The following TDRD10 variants were observed in gnomAD, a reference collection of about 807,000 sequenced individuals.
TDRD10 encodes tudor domain-containing protein 10.
In TDRD10, 40 loss-of-function variants were observed where a neutral mutation model predicts 48.0. The observed-to-expected ratio is 0.83, with a 90% CI of 0.65 to 1.09. The LOEUF (loss-of-function observed/expected upper bound fraction) is 1.09, where lower values mean the gene tolerates loss of function less well. TDRD10 is among the 50% of genes least tolerant of loss of function. The pLI is 0.00. For missense variants in TDRD10, 378 were observed against 434.7 expected (o/e 0.87, Z 1.16); for synonymous variants, 162 against 170.4 (o/e 0.95, Z 0.38).
chr1:154,521,560 A>T, intron 6 of TDRD10, 81 bp downstream of exon 6: 1 of 1,488,324 alleles, frequency 6.7e-7, no homozygotes. Context: ...CAGTGCTTTC[A>T]TCCTCCTCCA....
At chr1:154,507,401 CA>C (rs1178568554) in intron 3 of TDRD10, 81 bp downstream of exon 3, 5 of 1,508,086 alleles carry the variant, frequency 3.3e-6, no homozygotes, top group African/African-American at 1.4e-5. Flanking sequence ...CCAGTCTGCC[CA>C]GTTTCTGTTC....
intron 6 of TDRD10, among the ~76,000 whole-genome samples, chr1:154,537,080 A>G (rs1239412856): frequency 6.6e-6 from 1 of 152,048 alleles, no homozygotes; most frequent in Admixed American, 6.5e-5. Context: ...TGGACCTACT[A>G]TTGTCAGCCC....
intron 11 of TDRD10, among the ~76,000 whole-genome samples, chr1:154,547,135 A>G (rs935272632): frequency 3.3e-5 from 5 of 152,178 alleles, no homozygotes; most frequent in Non-Finnish European, 7.4e-5. Flanking sequence ...AGAATTTCTC[A>G]TTAAAAATCC....
chr1:154,522,575 G>A (rs1694112719), intron 6 of TDRD10, among the ~76,000 whole-genome samples: 2 of 152,124 alleles, frequency 1.3e-5, no homozygotes, highest in South Asian at 4.1e-4. Context: ...GGAGACCGAG[G>A]CAGGAGGATG....
In TDRD10 at chr1:154,502,318, G is replaced by A; in HGVS notation, c.-739G>A. ...TTTCCTCCTGCGGTGGGAGAGGCCA[G>A]GCCCACGGAAGCCCCCTGCGGCCCA... On this transcript the variant is annotated 5_prime_UTR_variant, in exon 1 of 13. Coordinates refer to ENST00000368482, the MANE Select transcript of TDRD10 (RefSeq NM_182499.4). 1 of 181,444 alleles carries A rather than the reference G, an allele frequency of 5.5e-6. No individual in the cohort carries two copies. Among genetic ancestry groups the A allele is most frequent in the Non-Finnish European group, 1.1e-5 (1 of 87,554 alleles). The allele number at this position is 181,444 out of a possible 1,614,324, so 11.2% of individuals were successfully genotyped here. A position where few individuals can be genotyped will look rare whatever the true frequency, so the allele number is the denominator to read the frequency against.
At chr1:154,537,514 C>T (rs1018321928) in intron 6 of TDRD10, among the ~76,000 whole-genome samples, 1 of 152,152 alleles carries the variant, frequency 6.6e-6, no homozygotes, top group African/African-American at 2.4e-5. Context: ...CTCAGGTGTT[C>T]CCAGGTGCAG....
intron 1 of TDRD10, among the ~76,000 whole-genome samples, chr1:154,505,619 A>G (rs943641672): frequency 6.6e-5 from 10 of 151,586 alleles, no homozygotes; most frequent in Admixed American, 3.3e-4. Flanking sequence ...AAAGTACAGG[A>G]AAAAAAAATC....
chr1:154,524,251 C>A (rs1430256114), intron 6 of TDRD10, among the ~76,000 whole-genome samples: 2 of 152,162 alleles, frequency 1.3e-5, no homozygotes, highest in Non-Finnish European at 2.9e-5. Flanking sequence ...ACTGCAACCT[C>A]CACCTCTTGG....
intron 1 of TDRD10, among the ~76,000 whole-genome samples, chr1:154,503,379 A>C (rs1692927098): frequency 6.6e-6 from 1 of 152,106 alleles, no homozygotes; most frequent in Non-Finnish European, 1.5e-5. Context: ...CCTGAGATCA[A>C]GAGTTCGAGA....
intron 10 of TDRD10, 53 bp downstream of exon 10, chr1:154,544,570 C>A: frequency 6.3e-7 from 1 of 1,580,492 alleles, no homozygotes; most frequent in Non-Finnish European, 8.6e-7. Flanking sequence ...AGGGAAAATG[C>A]TCCCTTCTTG....
chr1:154,541,973 A>G (rs758581249), intron 6 of TDRD10, 51 bp from the exon 7 acceptor site: 18 of 1,595,074 alleles, frequency 1.1e-5, no homozygotes, highest in Admixed American at 1.7e-5. Context: ...ATAGAAATCA[A>G]TAAAACAAAT....
In TDRD10 at chr1:154,544,314, G is replaced by A. The variant is rs76992804; in HGVS notation, c.652-58G>A. The A allele has an allele frequency of 7.2e-4, 1,109 of 1,550,670 alleles. 6 individuals are homozygous for A. The African/African-American group carries it at 0.012, about 17-fold the overall frequency. ...TGCTAACATAACAGGTGACGTCTAC[G>A]GAGGCAGATTTGTAATGCAGTGCAG... On this transcript the variant is annotated intron_variant, in intron 9 of 12. Coordinates refer to ENST00000368482, the MANE Select transcript of TDRD10 (RefSeq NM_182499.4).
chr1:154,509,293 A>G (rs1479046917), intron 4 of TDRD10, among the ~76,000 whole-genome samples: 1 of 152,088 alleles, frequency 6.6e-6, no homozygotes, highest in African/African-American at 2.4e-5. Flanking sequence ...TCCCTTGCTA[A>G]CCAGTTCCAC....
chr1:154,519,286 T>C (rs971728868), intron 4 of TDRD10, among the ~76,000 whole-genome samples: 1 of 152,246 alleles, frequency 6.6e-6, no homozygotes, highest in Admixed American at 6.5e-5. Context: ...GTAAATATAA[T>C]ATAAACATGA....
chr1:154,518,721 G>C (rs1693899949), intron 4 of TDRD10, among the ~76,000 whole-genome samples: 1 of 152,184 alleles, frequency 6.6e-6, no homozygotes, highest in Non-Finnish European at 1.5e-5. Context: ...GTGAGCCACT[G>C]TGCCCAGCCA....
chr1:154,538,716 AGTGGTGGGCACCT>A (rs1219113898), intron 6 of TDRD10, among the ~76,000 whole-genome samples: 1 of 151,122 alleles, frequency 6.6e-6, no homozygotes, highest in African/African-American at 2.4e-5. Context: ...AGCCGGGTAT[AGTGGTGGGCACCT>A]GTAGTCTGAG....
At chr1:154,526,173 C>T (rs1209666603) in intron 6 of TDRD10, among the ~76,000 whole-genome samples, 2 of 145,152 alleles carry the variant, frequency 1.4e-5, no homozygotes, top group Non-Finnish European at 3.0e-5. Flanking sequence ...CCACTGCACT[C>T]TGGCCTGGTG....
At chr1:154,529,241 A>G (rs1038370502) in intron 6 of TDRD10, among the ~76,000 whole-genome samples, 1 of 151,852 alleles carries the variant, frequency 6.6e-6, no homozygotes, top group East Asian at 1.9e-4. Context: ...CACCACACCC[A>G]GCTACTTTTG....
At chr1:154,522,021 G>A (rs1488863385) in intron 6 of TDRD10, among the ~76,000 whole-genome samples, 2 of 152,188 alleles carry the variant, frequency 1.3e-5, no homozygotes, top group Non-Finnish European at 2.9e-5. Flanking sequence ...CGTATGCAGA[G>A]GTGAACCAGG....
Sources: gnomAD v4.1 joint callset for allele counts (sites outside exome capture counted in the v4.1 genomes callset) on GRCh38, gnomAD v4.1.1 for gene constraint, MANE v1.5 for transcripts, NCBI Gene and HGNC (gene_info 2026-07-23, HGNC 2026-07-21) for gene names.